CAMKMT: variants seen among roughly 807,000 people sequenced by gnomAD.
CAMKMT encodes the protein CaM KMT.
A neutral mutation model predicts 48.0 loss-of-function variants in CAMKMT; 53 were observed. That is an observed-to-expected ratio of 1.10 (90% confidence interval 0.89 to 1.39). The LOEUF (loss-of-function observed/expected upper bound fraction) is 1.39, where lower values mean the gene tolerates loss of function less well. CAMKMT is among the 40% of genes most tolerant of loss of function. The pLI, the probability that CAMKMT is intolerant of heterozygous loss-of-function variation, is 0.00. For synonymous variants in CAMKMT, 165 were observed against 152.3 expected, an observed-to-expected ratio of 1.08 and a Z score of -0.61; for missense variants, 428 against 402.7, an observed-to-expected ratio of 1.06 and a Z score of -0.54.
intron 3 of CAMKMT, among the ~76,000 whole-genome samples, chr2:44,629,096 A>G (rs528284785): frequency 1.3e-5 from 2 of 152,192 alleles, no homozygotes; most frequent in African/African-American, 2.4e-5. Context: ...TGCTCTGCCA[A>G]TTACTGAGAG....
At chr2:44,592,755 A>G (rs543106174) in intron 3 of CAMKMT, among the ~76,000 whole-genome samples, 33 of 152,296 alleles carry the variant, frequency 2.2e-4, no homozygotes, top group Non-Finnish European at 3.8e-4. Context: ...CCCAAGGATA[A>G]GGGAGGACTA....
intron 3 of CAMKMT, among the ~76,000 whole-genome samples, chr2:44,622,565 C>G (rs899285473): frequency 1.4e-4 from 21 of 152,200 alleles, no homozygotes; most frequent in African/African-American, 4.8e-4. Context: ...TAATGTTTGG[C>G]TCCCACTTAT....
At chr2:44,520,181 T>C (rs1671030954) in intron 3 of CAMKMT, among the ~76,000 whole-genome samples, 1 of 152,100 alleles carries the variant, frequency 6.6e-6, no homozygotes, top group Non-Finnish European at 1.5e-5. Flanking sequence ...ATCACGCCAC[T>C]GCACTCCAGC....
At chr2:44,484,871 C>T (rs931729370) in intron 3 of CAMKMT, among the ~76,000 whole-genome samples, 1 of 151,046 alleles carries the variant, frequency 6.6e-6, no homozygotes, top group Admixed American at 6.6e-5. Context: ...TCTTACAAAT[C>T]AACAGGAAAA....
intron 10 of CAMKMT, among the ~76,000 whole-genome samples, chr2:44,768,400 G>T (rs567102756): frequency 4.5e-4 from 65 of 145,824 alleles, no homozygotes; most frequent in Non-Finnish European, 9.0e-4. Context: ...TATTTCAGCT[G>T]GTGTGGGGTT....
At position 44,409,586 on chromosome 2, in the gene CAMKMT, G is replaced by A. The variant is rs565633947; in HGVS notation, c.376+19281G>A. 4.6e-5 allele frequency among the ~76,000 whole-genome samples: 7 copies of A among 152,188 alleles called. No individual in the cohort carries two copies. In the South Asian group the frequency reaches 1.5e-3, roughly 32 times the overall value. On this transcript the variant is annotated intron_variant, in intron 3 of 10. Coordinates refer to ENST00000378494, the MANE Select transcript of CAMKMT (RefSeq NM_024766.5). ...TTAAAGCCATTTTATAGTAAGACTA[G>A]CAACTCTTACAGTGGCAGATTTGGA...
rs927948961 is a variant in CAMKMT at position 44,602,851 on chromosome 2, A to C, written c.377-101432A>C. On this transcript the variant is annotated intron_variant, in intron 3 of 10. Coordinates refer to ENST00000378494, the MANE Select transcript of CAMKMT (RefSeq NM_024766.5). ...CACCTGGGGATTACAATTCGACATGAGATTTGGGTGGGGACACAGAGACAA... is the reference window on the plus strand; with the variant it reads ...CACCTGGGGATTACAATTCGACATGCGATTTGGGTGGGGACACAGAGACAA... 5.3e-5 allele frequency among the ~76,000 whole-genome samples: 8 copies of C among 152,054 alleles called. No individual in the cohort carries two copies. The East Asian group carries it at 1.5e-3, about 29-fold the overall frequency.
At chr2:44,679,682 G>T (rs547454315) in intron 3 of CAMKMT, among the ~76,000 whole-genome samples, 1 of 152,288 alleles carries the variant, frequency 6.6e-6, no homozygotes, top group East Asian at 1.9e-4. Flanking sequence ...AGCCTTCATT[G>T]CCTTCCACAA....
chr2:44,525,600 T>C (rs560962856), intron 3 of CAMKMT, among the ~76,000 whole-genome samples: 1 of 152,344 alleles, frequency 6.6e-6, no homozygotes, highest in East Asian at 1.9e-4. Context: ...TTTCACAGAA[T>C]AAATTTTAAT....
chr2:44,620,015 T>C (rs1234677741), intron 3 of CAMKMT, among the ~76,000 whole-genome samples: 2 of 152,176 alleles, frequency 1.3e-5, no homozygotes, highest in East Asian at 1.9e-4. Context: ...TTTTATATTA[T>C]TTTGAAGCAA....
chr2:44,686,491 AG>A (rs1676347124), intron 3 of CAMKMT, among the ~76,000 whole-genome samples: 1 of 152,220 alleles, frequency 6.6e-6, no homozygotes, highest in South Asian at 2.1e-4. Flanking sequence ...AATTTCGAGA[AG>A]TATAAGATGT....
intron 3 of CAMKMT, among the ~76,000 whole-genome samples, chr2:44,686,569 T>C (rs959520830): frequency 3.9e-5 from 6 of 152,182 alleles, no homozygotes; most frequent in African/African-American, 1.4e-4. Flanking sequence ...TCTGTAAACC[T>C]AAAATTATTC....
chr2:44,425,982 T>C (rs996666619), intron 3 of CAMKMT, among the ~76,000 whole-genome samples: 8 of 152,130 alleles, frequency 5.3e-5, no homozygotes, highest in African/African-American at 1.7e-4. Context: ...CCACCCGCCT[T>C]GGCCTCCCAA....
intron 3 of CAMKMT, among the ~76,000 whole-genome samples, chr2:44,646,737 A>G (rs985884151): frequency 1.3e-5 from 2 of 152,192 alleles, no homozygotes; most frequent in African/African-American, 4.8e-5. Flanking sequence ...AAATTGCTTC[A>G]AAGAAAACCA....
chr2:44,758,066 C>G (rs1032320456), intron 9 of CAMKMT, among the ~76,000 whole-genome samples: 1 of 152,240 alleles, frequency 6.6e-6, no homozygotes, highest in Admixed American at 6.5e-5. Context: ...GAAGATGACA[C>G]TTTACTATAG....
chr2:44,611,723 C>T (rs1671607966), intron 3 of CAMKMT, among the ~76,000 whole-genome samples: 2 of 151,836 alleles, frequency 1.3e-5, no homozygotes, highest in African/African-American at 4.8e-5. Flanking sequence ...CATGGTTGTG[C>T]AGGCTTTACA....
rs147680529 is a variant in CAMKMT at position 44,637,982 on chromosome 2, T to A, written c.377-66301T>A. On this transcript the variant is annotated intron_variant, in intron 3 of 10. Coordinates refer to ENST00000378494, the MANE Select transcript of CAMKMT (RefSeq NM_024766.5). ...TGGGAGGCTGAGGCAGGAGAATCGC[T>A]TGAACTCGGGAGGCAGAGGTTGCAG... Among the ~76,000 whole-genome samples, 1,229 of 150,638 alleles carry A rather than the reference T, an allele frequency of 8.2e-3. 19 individuals carry two copies. Among genetic ancestry groups the A allele is most frequent in the African/African-American group, 0.029 (1,179 of 41,122 alleles).
chr2:44,546,107 C>T (rs1194369894), intron 3 of CAMKMT, among the ~76,000 whole-genome samples: 1 of 150,020 alleles, frequency 6.7e-6, no homozygotes, highest in African/African-American at 2.5e-5. Flanking sequence ...TAACATTCAT[C>T]AGTATCTGAT....
intron 3 of CAMKMT, among the ~76,000 whole-genome samples, chr2:44,678,392 C>G (rs1174484884): frequency 1.3e-5 from 2 of 152,136 alleles, no homozygotes; most frequent in Non-Finnish European, 2.9e-5. Flanking sequence ...TGCTGCTGAG[C>G]CTACCTGAGA....
Sources: allele counts gnomAD v4.1 joint callset (sites outside exome capture counted in the v4.1 genomes callset), GRCh38; gene constraint gnomAD v4.1.1; transcripts MANE v1.5; gene names NCBI Gene and HGNC (gene_info 2026-07-23, HGNC 2026-07-21).